The following LINGO2 variants were observed in gnomAD, a reference collection of about 807,000 sequenced individuals.
LINGO2 encodes leucine-rich repeat and immunoglobulin-like domain-containing nogo receptor-interacting protein 2.
Under a neutral mutation model 30.6 loss-of-function variants are expected in LINGO2, and 14 were observed. That is an observed-to-expected ratio of 0.46 (90% CI 0.30 to 0.72). LINGO2 has a LOEUF of 0.72. LINGO2 is among the 30% of genes least tolerant of loss of function. The probability of loss-of-function intolerance (pLI) is 0.07; values close to 1 mark genes in which losing one functional copy is unlikely to be tolerated. For synonymous variants in LINGO2, 317 were observed against 288.5 expected (o/e 1.10, Z -1.00); for missense variants, 729 against 751.7 (o/e 0.97, Z 0.35).
intron 5 of LINGO2, among the ~76,000 whole-genome samples, chr9:27,974,649 CCTT>C (rs545455777): frequency 1.8e-4 from 28 of 152,190 alleles, no homozygotes; most frequent in African/African-American, 6.5e-4. Flanking sequence ...AGTCAGTAAT[CCTT>C]CTGATTACTG....
chr9:28,505,928 C>T (rs1820091143), intron 1 of LINGO2, among the ~76,000 whole-genome samples: 1 of 151,720 alleles, frequency 6.6e-6, no homozygotes, highest in Non-Finnish European at 1.5e-5. Context: ...GTTTTAAGCA[C>T]AAAGGAATTA....
intron 1 of LINGO2, among the ~76,000 whole-genome samples, chr9:28,662,588 T>C (rs1828624403): frequency 6.6e-6 from 1 of 152,206 alleles, no homozygotes; most frequent in African/African-American, 2.4e-5. Context: ...TAAATACATG[T>C]TGGCATGTAA....
At chr9:28,660,265 T>C (rs1157226202) in intron 1 of LINGO2, among the ~76,000 whole-genome samples, 1 of 152,054 alleles carries the variant, frequency 6.6e-6, no homozygotes, top group Non-Finnish European at 1.5e-5. Flanking sequence ...AATTTTACCA[T>C]ATTAATAAAA....
At chr9:28,796,514 G>A in the LINGO2 span, among the ~76,000 whole-genome samples, 3 of 151,918 alleles carry the variant, frequency 2.0e-5, no homozygotes, top group Admixed American at 6.6e-5. Flanking sequence ...ATTTTATGAC[G>A]AAAATTAGCT....
At chr9:28,206,674 A>G (rs1218505796) in intron 4 of LINGO2, among the ~76,000 whole-genome samples, 1 of 152,210 alleles carries the variant, frequency 6.6e-6, no homozygotes, top group Non-Finnish European at 1.5e-5. Flanking sequence ...TAGCTCTTTA[A>G]AATGCATAAG....
chr9:28,529,077 A>T (rs1421270201), intron 1 of LINGO2, among the ~76,000 whole-genome samples: 1 of 152,094 alleles, frequency 6.6e-6, no homozygotes, highest in Non-Finnish European at 1.5e-5. Flanking sequence ...TTCATGTTCC[A>T]TTCTTTCTTT....
At chr9:28,526,448 C>T (rs1462757730) in intron 1 of LINGO2, among the ~76,000 whole-genome samples, 4 of 152,134 alleles carry the variant, frequency 2.6e-5, no homozygotes, top group Admixed American at 2.6e-4. Flanking sequence ...AATGTATTAG[C>T]CTTTCTGGCA....
At chr9:29,168,199 T>C in the LINGO2 span, among the ~76,000 whole-genome samples, 1 of 151,774 alleles carries the variant, frequency 6.6e-6, no homozygotes, top group Non-Finnish European at 1.5e-5. Flanking sequence ...TTTCCTCATC[T>C]CTAAAACTGG....
intron 4 of LINGO2, among the ~76,000 whole-genome samples, chr9:28,033,983 C>T (rs1427523781): frequency 6.6e-6 from 1 of 152,182 alleles, no homozygotes; most frequent in Non-Finnish European, 1.5e-5. Context: ...AGGGGCTGTT[C>T]ATTTGTATGA....
chr9:28,246,738 C>T (rs994499834), intron 4 of LINGO2, among the ~76,000 whole-genome samples: 1 of 152,010 alleles, frequency 6.6e-6, no homozygotes, highest in Non-Finnish European at 1.5e-5. Context: ...GTAACAAAAG[C>T]TAAAATTGGC....
intron 5 of LINGO2, among the ~76,000 whole-genome samples, chr9:28,005,346 G>A (rs926240661): frequency 2.0e-5 from 3 of 152,132 alleles, no homozygotes; most frequent in Non-Finnish European, 4.4e-5. Context: ...CTCTGGTGAG[G>A]ATATCATATG....
intron 4 of LINGO2, among the ~76,000 whole-genome samples, chr9:28,282,712 A>T (rs1201871886): frequency 6.6e-6 from 1 of 152,006 alleles, no homozygotes; most frequent in Non-Finnish European, 1.5e-5. Context: ...CGGGTGGGAG[A>T]CTTTCTAGGA....
At chr9:29,149,930 C>T in the LINGO2 span, among the ~76,000 whole-genome samples, 1 of 152,170 alleles carries the variant, frequency 6.6e-6, no homozygotes, top group East Asian at 1.9e-4. Flanking sequence ...CACCAGCCCT[C>T]CTAAAGCCAC....
At chr9:28,997,253 A>T in the LINGO2 span, among the ~76,000 whole-genome samples, 1 of 152,022 alleles carries the variant, frequency 6.6e-6, no homozygotes, top group Admixed American at 6.6e-5. Context: ...ACACAGTGAG[A>T]CCCTGTCTCT....
At chr9:28,647,062 C>G (rs540059943) in intron 1 of LINGO2, among the ~76,000 whole-genome samples, 1 of 152,180 alleles carries the variant, frequency 6.6e-6, no homozygotes, top group Admixed American at 6.5e-5. Context: ...CACAGGTATC[C>G]CTTTCTCACT....
At chr9:28,757,735 G>C in the LINGO2 span, among the ~76,000 whole-genome samples, 4 of 152,030 alleles carry the variant, frequency 2.6e-5, no homozygotes, top group Non-Finnish European at 5.9e-5. Flanking sequence ...TTCCCCTGGA[G>C]TCCAGGGGTG....
At chr9:28,212,824 T>G (rs957603381) in intron 4 of LINGO2, among the ~76,000 whole-genome samples, 1 of 151,500 alleles carries the variant, frequency 6.6e-6, no homozygotes, top group African/African-American at 2.4e-5. Flanking sequence ...GTTCCATCAT[T>G]GCAGAAAGTT....
the LINGO2 span, chr9:27,940,618 A>C: frequency 6.6e-6 from 1 of 152,206 alleles, no homozygotes; most frequent in Non-Finnish European, 1.5e-5. Context: ...AGAAACTCCT[A>C]ATTTTTATTT....
At chr9:29,108,221 T>C in the LINGO2 span, among the ~76,000 whole-genome samples, 4 of 152,262 alleles carry the variant, frequency 2.6e-5, no homozygotes, top group South Asian at 6.2e-4. Flanking sequence ...GCCAACATAA[T>C]CTTGACATAA....
Sources: allele counts gnomAD v4.1 joint callset (sites outside exome capture counted in the v4.1 genomes callset), GRCh38; gene constraint gnomAD v4.1.1; transcripts MANE v1.5; gene names NCBI Gene and HGNC (gene_info 2026-07-23, HGNC 2026-07-21).